Variants in HOMER2 observed in about 807,000 individuals in gnomAD.
HOMER2 encodes the protein homer scaffold protein 2, also known as homer protein homolog 2.
A neutral mutation model predicts 47.0 loss-of-function variants in HOMER2; 27 were observed. The observed-to-expected ratio is 0.57, with a 90% CI of 0.42 to 0.79. HOMER2 has a LOEUF of 0.79. Ranked by LOEUF, HOMER2 falls within the 30% of genes least tolerant of loss-of-function variation. The pLI, the probability that HOMER2 is intolerant of heterozygous loss-of-function variation, is 0.00. For synonymous variants in HOMER2, 161 were observed against 163.8 expected (o/e 0.98, Z 0.13); for missense variants, 443 against 435.0 (o/e 1.02, Z -0.16).
In HOMER2 at chr15:82,913,285, T is replaced by G. The variant is rs1008318341; in HGVS notation, c.6-20444A>C. Among the ~76,000 whole-genome samples, 2 of 152,186 alleles carry G rather than the reference T, an allele frequency of 1.3e-5. No individual in the cohort carries two copies. Among genetic ancestry groups the G allele is most frequent in the African/African-American group, 2.4e-5 (1 of 41,440 alleles). On this transcript the variant is annotated intron_variant, in intron 1 of 8. Coordinates refer to ENST00000450735, the MANE Select transcript of HOMER2 (RefSeq NM_004839.4). The surrounding 1 kb of genome is among the most constrained non-coding windows in gnomAD (Gnocchi z 4.1). ...CAGTGCCCAAGGAGAACATCCACTT[T>G]TCTTACTTTGCCTCCAGGTTAGTCT...
At chr15:82,900,691 T>C (rs932203085) in intron 1 of HOMER2, among the ~76,000 whole-genome samples, 27 of 152,140 alleles carry the variant, frequency 1.8e-4, no homozygotes, top group African/African-American at 5.8e-4. Flanking sequence ...GTATTGCTCA[T>C]TAGTGGAGAC....
chr15:82,944,438 C>T (rs569357676), intron 1 of HOMER2, among the ~76,000 whole-genome samples: 3 of 152,298 alleles, frequency 2.0e-5, no homozygotes, highest in African/African-American at 4.8e-5. Flanking sequence ...CCTCACAATG[C>T]TTCTTTTTGC....
At chr15:82,942,492 C>A (rs573536705) in intron 1 of HOMER2, among the ~76,000 whole-genome samples, 1 of 152,322 alleles carries the variant, frequency 6.6e-6, no homozygotes, top group Non-Finnish European at 1.5e-5. Context: ...GCAGTGTTTA[C>A]GTGATGTCCA....
chr15:82,967,685 C>A (rs1745879952), intron 1 of HOMER2, among the ~76,000 whole-genome samples: 1 of 151,988 alleles, frequency 6.6e-6, no homozygotes, highest in South Asian at 2.1e-4. Context: ...ACCAGCCTGG[C>A]CAATATGGTG....
chr15:82,857,008 G>A (rs1438304576), intron 5 of HOMER2, among the ~76,000 whole-genome samples: 1 of 152,234 alleles, frequency 6.6e-6, no homozygotes, highest in African/African-American at 2.4e-5. Flanking sequence ...TAAAATGGGG[G>A]GAAGTTCAAA....
intron 1 of HOMER2, among the ~76,000 whole-genome samples, chr15:82,915,130 AT>A (rs988130883): frequency 5.4e-5 from 8 of 149,418 alleles, no homozygotes; most frequent in Non-Finnish European, 1.2e-4. Context: ...AATTTTTTCA[AT>A]TTTTTTTAAT....
At chr15:82,865,272 C>A (rs2051928068) in intron 3 of HOMER2, among the ~76,000 whole-genome samples, 1 of 152,312 alleles carries the variant, frequency 6.6e-6, no homozygotes, top group East Asian at 1.9e-4. Flanking sequence ...CGAGGTCCAG[C>A]AGGGATGCAC....
chr15:82,934,599 C>T (rs942370513), intron 1 of HOMER2, among the ~76,000 whole-genome samples: 5 of 152,208 alleles, frequency 3.3e-5, no homozygotes, highest in Admixed American at 1.3e-4. Flanking sequence ...CCCTTTCTTC[C>T]TGGGAGGGCC....
chr15:82,859,248 G>A (rs557703771), intron 4 of HOMER2, 113 bp from the exon 5 acceptor site: 24 of 1,495,868 alleles, frequency 1.6e-5, no homozygotes, highest in African/African-American at 8.3e-5. Flanking sequence ...GAAACTTTAC[G>A]AGTGTGGACG....
At chr15:82,849,948 G>A (rs1218676094) in intron 8 of HOMER2, 45 bp from the exon 9 acceptor site, 4 of 1,583,524 alleles carry the variant, frequency 2.5e-6, no homozygotes, top group East Asian at 2.2e-5. Flanking sequence ...TGAGTGACGA[G>A]AGTCATCCTT....
At chr15:82,852,706 G>C (rs1171043366) in intron 6 of HOMER2, 1 of 153,640 alleles carries the variant, frequency 6.5e-6, no homozygotes, top group South Asian at 2.0e-4. Context: ...AAGCCAGCAG[G>C]GTAGAAAAAT....
At chr15:82,948,125 C>G (rs992486462) in intron 1 of HOMER2, among the ~76,000 whole-genome samples, 1 of 151,552 alleles carries the variant, frequency 6.6e-6, no homozygotes, top group African/African-American at 2.4e-5. Flanking sequence ...GGCATGGTGG[C>G]TGATGCCTGT....
At chr15:82,931,391 G>A (rs1473658284) in intron 1 of HOMER2, among the ~76,000 whole-genome samples, 1 of 152,160 alleles carries the variant, frequency 6.6e-6, no homozygotes, top group Non-Finnish European at 1.5e-5. Flanking sequence ...AAAGCTTTCA[G>A]AACATTTAAA....
At chr15:82,917,167 C>G (rs1297886649) in intron 1 of HOMER2, among the ~76,000 whole-genome samples, 1 of 152,216 alleles carries the variant, frequency 6.6e-6, no homozygotes, top group African/African-American at 2.4e-5. Context: ...AAGAAGTACC[C>G]ATTTCTGATT....
chr15:82,892,221 C>G (rs978620389), intron 2 of HOMER2, among the ~76,000 whole-genome samples: 1 of 152,112 alleles, frequency 6.6e-6, no homozygotes, highest in African/African-American at 2.4e-5. Context: ...CTCATACAGG[C>G]TGGAAGAACG....
At chr15:82,898,118 C>T (rs1238134764) in intron 1 of HOMER2, among the ~76,000 whole-genome samples, 1 of 152,214 alleles carries the variant, frequency 6.6e-6, no homozygotes, top group Admixed American at 6.5e-5. Flanking sequence ...AGGATCACTT[C>T]AGGCAAACTG....
At chr15:82,920,059 TG>T (rs1236000852) in intron 1 of HOMER2, among the ~76,000 whole-genome samples, 1 of 152,224 alleles carries the variant, frequency 6.6e-6, no homozygotes, top group Admixed American at 6.5e-5. Flanking sequence ...ATATTATTCT[TG>T]GAGCCAGTAA....
At chr15:82,939,961 G>C (rs537149131) in intron 1 of HOMER2, among the ~76,000 whole-genome samples, 1 of 152,262 alleles carries the variant, frequency 6.6e-6, no homozygotes, top group South Asian at 2.1e-4. Flanking sequence ...GCAAACTGTC[G>C]CAAGGACAGA....
At chr15:82,900,039 TATA>T (rs1163646675) in intron 1 of HOMER2, among the ~76,000 whole-genome samples, 1 of 151,898 alleles carries the variant, frequency 6.6e-6, no homozygotes, top group Non-Finnish European at 1.5e-5. Flanking sequence ...ATAAAAAATA[TATA>T]ATAATAGATT....
Sources: gnomAD v4.1 joint callset for allele counts (sites outside exome capture counted in the v4.1 genomes callset) on GRCh38, gnomAD v4.1.1 for gene constraint, Gnocchi (gnomAD v3.1) non-coding constraint, MANE v1.5 for transcripts, NCBI Gene and HGNC (gene_info 2026-07-23, HGNC 2026-07-21) for gene names.